Variants in UBAP2L observed in about 807,000 individuals in gnomAD.
UBAP2L encodes ubiquitin associated protein 2 like.
A neutral mutation model predicts 130.6 loss-of-function variants in UBAP2L; 12 were observed. The observed-to-expected ratio is 0.09, with a 90% CI of 0.06 to 0.15. UBAP2L has a LOEUF of 0.15. Ranked by LOEUF, UBAP2L falls within the 10% of genes least tolerant of loss-of-function variation. UBAP2L has a pLI of 1.00. For synonymous variants in UBAP2L, 503 were observed against 524.7 expected (o/e 0.96, Z 0.57); for missense variants, 965 against 1,332.5 (o/e 0.72, Z 4.29).
At chr1:154,245,369 T>C (rs1056096723) in intron 10 of UBAP2L, among the ~76,000 whole-genome samples, 8 of 152,310 alleles carry the variant, frequency 5.3e-5, no homozygotes, top group East Asian at 1.9e-4. Context: ...CTAAATGTTT[T>C]AGGAGCTCCA....
intron 5 of UBAP2L, 45 bp from the exon 6 acceptor site, chr1:154,235,151 G>GT (rs201031131): frequency 0.012 from 8,552 of 709,234 alleles, 39 homozygotes; most frequent in Non-Finnish European, 0.016. Context: ...CTGTGGTTTG[G>GT]TTTTTTTGTT....
chr1:154,255,266 C>T lies in UBAP2L; in HGVS notation c.2024C>T (p.Ser675Phe), dbSNP rs1341375918. The T allele has an allele frequency of 6.2e-7, 1 of 1,614,218 alleles. No individual in the cohort carries two copies. The highest frequency in any genetic ancestry group is 8.5e-7 in the Non-Finnish European group (1 of 1,180,044). Residue 675 changes from serine to phenylalanine, a missense_variant, in exon 17 of 27, where the codon TCC (serine) becomes TTC (phenylalanine). This residue lies in a region of UBAP2L where 393 missense variants were observed against 408.1 expected (regional missense o/e 0.96). Coordinates refer to ENST00000428931, the MANE Select transcript of UBAP2L (RefSeq NM_014847.4). ...ACGACAACCAATCAGCATTCATCCT[C>T]CTTGGGTGGCTTGAGCCACAGTGAG... ...LLTTTNQHSS[S>F]LGGLSHSEEI...
intron 4 of UBAP2L, among the ~76,000 whole-genome samples, chr1:154,232,767 G>T (rs887206735): frequency 1.3e-5 from 2 of 151,950 alleles, no homozygotes; most frequent in Admixed American, 1.3e-4. Flanking sequence ...ACATAACCAC[G>T]ACTCACCGCA....
intron 10 of UBAP2L, among the ~76,000 whole-genome samples, chr1:154,245,227 T>C (rs1675017350): frequency 1.3e-5 from 2 of 152,162 alleles, no homozygotes; most frequent in African/African-American, 4.8e-5. Context: ...TCCAGCCTTA[T>C]CTGGTCTTTC....
intron 22 of UBAP2L, 99 bp from the exon 23 acceptor site, chr1:154,260,793 T>C: frequency 8.3e-7 from 1 of 1,204,556 alleles, no homozygotes; most frequent in East Asian, 2.4e-5. Flanking sequence ...TTAATAGTCT[T>C]TGAACAGGAT....
intron 24 of UBAP2L, among the ~76,000 whole-genome samples, chr1:154,264,613 G>T (rs1342500108): frequency 6.6e-6 from 1 of 152,148 alleles, no homozygotes; most frequent in Non-Finnish European, 1.5e-5. Context: ...ACTCTGGAAA[G>T]AATGAGATCA....
intron 4 of UBAP2L, among the ~76,000 whole-genome samples, chr1:154,232,957 C>A (rs562418467): frequency 6.6e-6 from 1 of 152,120 alleles, no homozygotes; most frequent in Non-Finnish European, 1.5e-5. Flanking sequence ...CTTGATCTCT[C>A]GACCTCCCAA....
In UBAP2L at chr1:154,258,979, A is replaced by G. The variant is rs1619529; in HGVS notation, c.2445A>G (p.Pro815=). The G allele has an allele frequency of 4.3e-6, 7 of 1,613,742 alleles. No homozygotes were observed. The highest frequency in any genetic ancestry group is 5.1e-6 in the Non-Finnish European group (6 of 1,179,850). Residue 815 remains proline, a splice_region_variant and synonymous_variant, in exon 21 of 27, where the codon CCA becomes CCG. Coordinates refer to ENST00000428931, the MANE Select transcript of UBAP2L (RefSeq NM_014847.4). ...MAPGLLHAYP[P]QVYGYDDLQM... Reference sequence around the variant, plus strand: ...TGCTATATGTCTGTATCTTTCAGCCACAAGTATATGGTTATGATGACTTGC... The same window carrying G: ...TGCTATATGTCTGTATCTTTCAGCCGCAAGTATATGGTTATGATGACTTGC...
intron 12 of UBAP2L, among the ~76,000 whole-genome samples, chr1:154,250,114 G>A (rs1457075964): frequency 1.3e-5 from 2 of 152,160 alleles, no homozygotes; most frequent in African/African-American, 2.4e-5. Context: ...CATCCAGACC[G>A]GAGTACAGTG....
Position 154,257,147 on chromosome 1 carries a change from C to T in UBAP2L, c.2242C>T (p.Pro748Ser), listed in dbSNP as rs188079310. 1.9e-6 allele frequency: 3 copies of T among 1,614,194 alleles called. No individual in the cohort carries two copies. Among genetic ancestry groups the T allele is most frequent in the East Asian group, 2.2e-5 (1 of 44,884 alleles). ...TTSSTVSAPP[P>S]VVSVSSSLNS... ...ATCCAGCACAGTCTCTGCACCTCCC[C>T]CAGTGGTCAGTGTCTCCTCCAGTCT... The change falls in exon 19 of 27, where the codon CCA becomes TCA. Residue 748 changes from proline (P) to serine (S), a missense_variant. Transcript: ENST00000428931.
At chr1:154,266,452 C>T (rs998840371) in intron 24 of UBAP2L, 49 bp from the exon 25 acceptor site, 2 of 1,580,918 alleles carry the variant, frequency 1.3e-6, no homozygotes, top group Admixed American at 1.7e-5. Context: ...GGAATAAGGG[C>T]CAGGTAGCTA....
At chr1:154,266,665 G>C (rs1683321299) in intron 25 of UBAP2L, 97 bp downstream of exon 25, 4 of 1,307,072 alleles carry the variant, frequency 3.1e-6, no homozygotes, top group Non-Finnish European at 4.4e-6. Context: ...AGAACCCTAG[G>C]AGAGGTGGCA....
At chr1:154,260,180 T>G in intron 22 of UBAP2L, 151 bp downstream of exon 22, 1 of 786,412 alleles carries the variant, frequency 1.3e-6, no homozygotes, top group South Asian at 1.6e-5. Flanking sequence ...CTTTTCCTAT[T>G]CATCCCACTT....
intron 2 of UBAP2L, among the ~76,000 whole-genome samples, chr1:154,226,875 T>C (rs1406496894): frequency 6.6e-6 from 1 of 152,158 alleles, no homozygotes; most frequent in African/African-American, 2.4e-5. Context: ...TAGGCTGGAG[T>C]GCAGTGCCAC....
Position 154,249,444 on chromosome 1 carries a change from A to T in UBAP2L, c.1213+7A>T, listed in dbSNP as rs1313068015. 1.2e-6 allele frequency: 2 copies of T among 1,614,086 alleles called. No homozygotes were observed. The highest frequency in any genetic ancestry group is 1.7e-6 in the Non-Finnish European group (2 of 1,180,016). ...CCATCACTGGTGCAGTATGGTGAGA[A>T]GATGGAAAGTGACTTGAATCTTTAA... On this transcript the variant is annotated splice_region_variant and intron_variant, in intron 12 of 26. Transcript: ENST00000428931.
In UBAP2L at chr1:154,227,270, C is replaced by T; in HGVS notation, c.91-12C>T. On this transcript the variant is annotated splice_polypyrimidine_tract_variant and intron_variant, in intron 2 of 26. Coordinates refer to ENST00000428931, the MANE Select transcript of UBAP2L (RefSeq NM_014847.4). ...CATGATTATGCTTTCTTGATCTCAT[C>T]TCAATTCCTAGGCCACTGCAGAACA... The T allele has an allele frequency of 6.2e-7, 1 of 1,612,182 alleles. No individual in the cohort carries two copies. Among genetic ancestry groups the T allele is most frequent in the South Asian group, 1.1e-5 (1 of 91,060 alleles).
chr1:154,265,913 ACAT>A (rs1683101963), intron 24 of UBAP2L, among the ~76,000 whole-genome samples: 1 of 152,134 alleles, frequency 6.6e-6, no homozygotes, highest in Non-Finnish European at 1.5e-5. Context: ...CTAGACCTTT[ACAT>A]CTTAAGTTTG....
intron 20 of UBAP2L, 121 bp from the exon 21 acceptor site, chr1:154,258,856 C>T (rs968691953): frequency 3.4e-5 from 25 of 733,678 alleles, no homozygotes; most frequent in Middle Eastern, 3.2e-4. Context: ...GGAAATAATC[C>T]GTGTCCTGTT....
At chr1:154,249,161 G>A in intron 11 of UBAP2L, 78 bp from the exon 12 acceptor site, 1 of 1,423,198 alleles carries the variant, frequency 7.0e-7, no homozygotes, top group South Asian at 1.2e-5. Flanking sequence ...CTGGCTCTCG[G>A]TCTGGATAAG....
Sources: allele counts gnomAD v4.1 joint callset (sites outside exome capture counted in the v4.1 genomes callset), GRCh38; gene constraint gnomAD v4.1.1; regional missense constraint gnomAD v4.1.1; transcripts MANE v1.5; gene names NCBI Gene and HGNC (gene_info 2026-07-23, HGNC 2026-07-21).